The following GRM5 variants were observed in gnomAD, a reference collection of about 807,000 sequenced individuals.
The protein encoded by GRM5 is glutamate metabotropic receptor 5.
GRM5 carries 19 observed loss-of-function variants against 83.1 expected under a neutral mutation model. The observed-to-expected ratio is 0.23, with a 90% CI of 0.16 to 0.34. GRM5 has a LOEUF of 0.34. Ranked by LOEUF, GRM5 falls within the 10% of genes least tolerant of loss-of-function variation. The pLI, the probability that GRM5 is intolerant of heterozygous loss-of-function variation, is 1.00. For missense variants in GRM5, 1,160 were observed against 1,588.3 expected (o/e 0.73, Z 4.58); for synonymous variants, 675 against 633.6 (o/e 1.07, Z -0.98).
chr11:88,974,903 A>G (rs970747614), intron 2 of GRM5, among the ~76,000 whole-genome samples: 3 of 152,222 alleles, frequency 2.0e-5, no homozygotes, highest in African/African-American at 7.2e-5. Flanking sequence ...CATAAGAAGT[A>G]GTCAATCAAT....
Position 88,563,146 on chromosome 11 carries a change from G to A in GRM5, c.2630+3907C>T, listed in dbSNP as rs78425727. On this transcript the variant is annotated intron_variant, in intron 8 of 9. Transcript: ENST00000305447. ...GTAGCATTTATTGAATACTTTCTACGTGCTGGTACTAAACACTTAATGCAT... is the reference window on the plus strand; with the variant it reads ...GTAGCATTTATTGAATACTTTCTACATGCTGGTACTAAACACTTAATGCAT... 7.2e-3 allele frequency among the ~76,000 whole-genome samples: 1,101 copies of A among 152,214 alleles called. 18 individuals are homozygous for A. Among genetic ancestry groups the A allele is most frequent in the African/African-American group, 0.025 (1,041 of 41,540 alleles).
At chr11:88,768,869 G>A (rs1437579854) in intron 3 of GRM5, among the ~76,000 whole-genome samples, 1 of 152,010 alleles carries the variant, frequency 6.6e-6, no homozygotes, top group African/African-American at 2.4e-5. Flanking sequence ...GCTCCAGAAG[G>A]TGTGTAGCCC....
rs11302390 is a variant in GRM5 at position 88,746,570 on chromosome 11, C to CAA, written c.912-93169_912-93168dup. 1.1e-3 allele frequency among the ~76,000 whole-genome samples: 166 copies of CAA among 147,610 alleles called. 2 individuals carry two copies. Among genetic ancestry groups the CAA allele is most frequent in the African/African-American group, 3.7e-3 (151 of 40,286 alleles). Reference sequence around the variant, plus strand: ...AATTTGGCCTCAATGATTCTGGAGACAAAAAAAAAAAAATAAGCTTAAGCC... The same window carrying CAA: ...AATTTGGCCTCAATGATTCTGGAGACAAAAAAAAAAAAAAATAAGCTTAAGCC... On this transcript the variant is annotated intron_variant, in intron 3 of 9. Coordinates refer to ENST00000305447, the MANE Select transcript of GRM5 (RefSeq NM_001143831.3).
At chr11:88,952,057 C>G (rs1938481139) in intron 2 of GRM5, among the ~76,000 whole-genome samples, 1 of 152,124 alleles carries the variant, frequency 6.6e-6, no homozygotes, top group African/African-American at 2.4e-5. Flanking sequence ...ACTCATGTCC[C>G]AGCCAACTTC....
At chr11:88,713,559 A>G (rs1941329974) in intron 3 of GRM5, among the ~76,000 whole-genome samples, 1 of 152,076 alleles carries the variant, frequency 6.6e-6, no homozygotes, top group South Asian at 2.1e-4. Context: ...TGATGCTGTT[A>G]TATGAAGAAT....
chr11:88,775,397 A>C (rs1942825961), intron 3 of GRM5, among the ~76,000 whole-genome samples: 1 of 152,050 alleles, frequency 6.6e-6, no homozygotes, highest in Non-Finnish European at 1.5e-5. Context: ...CGGCTCCTGC[A>C]TTCATTGATT....
At chr11:88,512,802 T>G (rs1941414383) in intron 9 of GRM5, among the ~76,000 whole-genome samples, 1 of 152,210 alleles carries the variant, frequency 6.6e-6, no homozygotes, top group African/African-American at 2.4e-5. Context: ...TTTTTATATT[T>G]TATGTGAATA....
Position 88,972,609 on chromosome 11 carries a change from T to G in GRM5, c.661+74603A>C, listed in dbSNP as rs527620717. Among the ~76,000 whole-genome samples, 341 of 152,256 alleles carry G rather than the reference T, an allele frequency of 2.2e-3. 1 individual carries two copies. Among genetic ancestry groups the G allele is most frequent in the African/African-American group, 8.1e-3 (335 of 41,568 alleles). The stretch of plus-strand genomic sequence containing the variant: ...ATTAATCTACAAAGAATTATGGAAT[T>G]AGGAGATTACCACTTGATAATCATC... On this transcript the variant is annotated intron_variant, in intron 2 of 9. Coordinates refer to ENST00000305447, the MANE Select transcript of GRM5 (RefSeq NM_001143831.3).
At chr11:88,515,279 T>G (rs1941491578) in intron 9 of GRM5, among the ~76,000 whole-genome samples, 1 of 152,142 alleles carries the variant, frequency 6.6e-6, no homozygotes, top group Non-Finnish European at 1.5e-5. Flanking sequence ...TTTATTTTGA[T>G]CCACAATTCT....
chr11:88,850,055 C>T lies in GRM5; in HGVS notation c.762G>A (p.Glu254=), dbSNP rs758928524. The part of the protein sequence containing the change: ...HSYKIYSNAG[E]QSFDKLLKKL... ...TCTTCAGCAGCTTATCAAAGCTCTG[C>T]TCCCCTGCATTACTGTAGATTTTGT... Residue 254 remains glutamate (E), a synonymous_variant, in exon 3 of 10, where the codon GAG becomes GAA. Transcript: ENST00000305447. 6.3e-7 allele frequency: 1 copy of T among 1,580,656 alleles called. No individual in the cohort carries two copies. Among genetic ancestry groups the T allele is most frequent in the Non-Finnish European group, 8.7e-7 (1 of 1,149,540 alleles).
chr11:89,009,646 C>A (rs1940627474), intron 2 of GRM5, among the ~76,000 whole-genome samples: 1 of 151,970 alleles, frequency 6.6e-6, no homozygotes, highest in South Asian at 2.1e-4. Flanking sequence ...CCTGTAATCC[C>A]AGCACTTTGG....
At chr11:88,959,695 G>C (rs1938726216) in intron 2 of GRM5, among the ~76,000 whole-genome samples, 1 of 152,080 alleles carries the variant, frequency 6.6e-6, no homozygotes, top group Admixed American at 6.6e-5. Flanking sequence ...TCTTATTTGA[G>C]AGAATGTTCA....
At chr11:88,707,283 G>C (rs1426140938) in intron 3 of GRM5, among the ~76,000 whole-genome samples, 1 of 151,998 alleles carries the variant, frequency 6.6e-6, no homozygotes, top group Non-Finnish European at 1.5e-5. Flanking sequence ...AAAATACTTA[G>C]GTCAGTGCCT....
At chr11:88,642,305 G>C (rs1295466122) in intron 4 of GRM5, among the ~76,000 whole-genome samples, 2 of 152,116 alleles carry the variant, frequency 1.3e-5, no homozygotes, top group Non-Finnish European at 2.9e-5. Flanking sequence ...CAGGGTCCTG[G>C]ACCAGGCCCA....
intron 4 of GRM5, among the ~76,000 whole-genome samples, chr11:88,615,702 T>A (rs1938458994): frequency 6.6e-6 from 1 of 151,140 alleles, no homozygotes; most frequent in African/African-American, 2.4e-5. Context: ...CAAGCTTAGC[T>A]TTTTTTTTAA....
intron 3 of GRM5, among the ~76,000 whole-genome samples, chr11:88,837,898 C>T (rs1488826931): frequency 6.6e-6 from 1 of 151,810 alleles, no homozygotes; most frequent in Non-Finnish European, 1.5e-5. Context: ...TCCTGGCTAA[C>T]ACGGTGAAAC....
chr11:88,780,393 T>C (rs886546615), intron 3 of GRM5, among the ~76,000 whole-genome samples: 2 of 152,188 alleles, frequency 1.3e-5, no homozygotes, highest in African/African-American at 4.8e-5. Flanking sequence ...GAGTTTATAG[T>C]CATGACTTAA....
rs115232634 is a variant in GRM5, at chr11:88,724,655, C to A, written c.912-71252G>T. 3.9e-3 allele frequency among the ~76,000 whole-genome samples: 599 copies of A among 152,232 alleles called. 1 individual carries two copies. Among genetic ancestry groups the A allele is most frequent in the African/African-American group, 0.013 (560 of 41,554 alleles). On this transcript the variant is annotated intron_variant, in intron 3 of 9. Coordinates refer to ENST00000305447, the MANE Select transcript of GRM5 (RefSeq NM_001143831.3). ...ATACAAACAGCTCCAGTCTGCAGCT[C>A]CCAGTGAGATCAATGCAGGTGGGTG...
chr11:88,524,176 C>CTTTT (rs1333303259), intron 9 of GRM5: 1 of 130,566 alleles, frequency 7.7e-6, no homozygotes, highest in Non-Finnish European at 1.7e-5. Flanking sequence ...GGGCCCTTTT[C>CTTTT]TTTTCTTTTT....
Sources: allele counts gnomAD v4.1 joint callset (sites outside exome capture counted in the v4.1 genomes callset), GRCh38; gene constraint gnomAD v4.1.1; transcripts MANE v1.5; gene names NCBI Gene and HGNC (gene_info 2026-07-23, HGNC 2026-07-21).